The following LRRC49 variants were observed in gnomAD, a reference collection of about 807,000 sequenced individuals.
LRRC49 encodes the protein leucine-rich repeat-containing protein 49.
LRRC49 carries 50 observed loss-of-function variants against 83.3 expected under a neutral mutation model. The observed-to-expected ratio is 0.60, with a 90% confidence interval of 0.48 to 0.76. The LOEUF (loss-of-function observed/expected upper bound fraction) is 0.76. Among genes scored for constraint, LRRC49 ranks in the 30% least tolerant of loss-of-function variants. The pLI is 0.00. For missense variants in LRRC49, 704 were observed against 809.1 expected, an observed-to-expected ratio of 0.87 and a Z score of 1.58; for synonymous variants, 286 against 283.3, an observed-to-expected ratio of 1.01 and a Z score of -0.10.
chr15:71,006,548 A>G (rs1220144304), intron 11 of LRRC49, among the ~76,000 whole-genome samples: 1 of 152,076 alleles, frequency 6.6e-6, no homozygotes, highest in Non-Finnish European at 1.5e-5. Context: ...TATGGTTCAA[A>G]CATCCTTCTT....
At chr15:70,913,630 A>G (rs1416049192) in intron 6 of LRRC49, among the ~76,000 whole-genome samples, 1 of 152,222 alleles carries the variant, frequency 6.6e-6, no homozygotes, top group Non-Finnish European at 1.5e-5. Flanking sequence ...GAGACTAGAA[A>G]GGTAGGCAAC....
At chr15:71,019,823 A>G (rs1185503266) in intron 14 of LRRC49, among the ~76,000 whole-genome samples, 1 of 152,218 alleles carries the variant, frequency 6.6e-6, no homozygotes, top group African/African-American at 2.4e-5. Flanking sequence ...GAAAAAGCAA[A>G]TATACCTCCT....
upstream of LRRC49, among the ~76,000 whole-genome samples, chr15:70,888,453 T>C (rs993725928): frequency 2.0e-5 from 3 of 152,170 alleles, no homozygotes. Flanking sequence ...CTGAGTCAAA[T>C]GGGTATCAAT....
intron 9 of LRRC49, among the ~76,000 whole-genome samples, chr15:70,978,960 G>A (rs1424283062): frequency 1.3e-5 from 2 of 152,038 alleles, no homozygotes; most frequent in Admixed American, 6.5e-5. Flanking sequence ...GTTTCTAAAA[G>A]AGTTATTCTT....
At chr15:70,909,194 G>A (rs1381599133) in intron 5 of LRRC49, among the ~76,000 whole-genome samples, 1 of 152,126 alleles carries the variant, frequency 6.6e-6, no homozygotes, top group Non-Finnish European at 1.5e-5. Flanking sequence ...AATTTTCAAG[G>A]TGTTAAAAAT....
At chr15:71,032,990 T>C (rs2039405528) in intron 14 of LRRC49, among the ~76,000 whole-genome samples, 1 of 152,106 alleles carries the variant, frequency 6.6e-6, no homozygotes, top group Non-Finnish European at 1.5e-5. Flanking sequence ...CTATTCAACA[T>C]AGTATTGGAA....
chr15:71,005,915 A>G (rs966656158), intron 11 of LRRC49, among the ~76,000 whole-genome samples: 6 of 152,230 alleles, frequency 3.9e-5, no homozygotes, highest in Non-Finnish European at 5.9e-5. Flanking sequence ...TCACTTTTTA[A>G]TGGAGCTCAG....
intron 14 of LRRC49, among the ~76,000 whole-genome samples, chr15:71,020,299 G>A (rs1049642668): frequency 2.6e-5 from 4 of 152,286 alleles, no homozygotes; most frequent in Non-Finnish European, 5.9e-5. Flanking sequence ...AGAAGATAGA[G>A]TATATGAGAA....
At chr15:71,018,373 T>G (rs913447991) in intron 14 of LRRC49, among the ~76,000 whole-genome samples, 1 of 152,190 alleles carries the variant, frequency 6.6e-6, no homozygotes, top group Non-Finnish European at 1.5e-5. Flanking sequence ...TAGGAATATA[T>G]TGAACTTCTA....
chr15:70,939,270 A>G (rs2035715747), intron 8 of LRRC49, among the ~76,000 whole-genome samples: 1 of 152,206 alleles, frequency 6.6e-6, no homozygotes, highest in African/African-American at 2.4e-5. Flanking sequence ...CCTCTTCAGC[A>G]TCTAGCATGT....
intron 7 of LRRC49, among the ~76,000 whole-genome samples, chr15:70,930,552 G>A (rs1160490989): frequency 1.3e-5 from 2 of 152,326 alleles, no homozygotes; most frequent in Admixed American, 1.3e-4. Context: ...TAACGAGAGA[G>A]TCAGCATGTG....
chr15:70,966,486 G>C (rs529308903), intron 9 of LRRC49, among the ~76,000 whole-genome samples: 1 of 152,000 alleles, frequency 6.6e-6, no homozygotes, highest in Non-Finnish European at 1.5e-5. Context: ...AATCAGTATC[G>C]AACAGGAAAT....
At chr15:70,908,373 G>T (rs1432455098) in intron 5 of LRRC49, among the ~76,000 whole-genome samples, 3 of 152,198 alleles carry the variant, frequency 2.0e-5, no homozygotes, top group African/African-American at 7.2e-5. Flanking sequence ...TGGAGACTAG[G>T]ATTGTCAAGG....
intron 9 of LRRC49, among the ~76,000 whole-genome samples, chr15:70,978,989 T>C (rs985525585): frequency 2.6e-5 from 4 of 152,156 alleles, no homozygotes; most frequent in Non-Finnish European, 5.9e-5. Context: ...CTAAGTTACT[T>C]GTTATGGTTT....
At chr15:70,866,762 A>G (rs1177317475) in intron 1 of LRRC49, among the ~76,000 whole-genome samples, 2 of 152,124 alleles carry the variant, frequency 1.3e-5, no homozygotes, top group Non-Finnish European at 2.9e-5. Context: ...GAAATCAATC[A>G]CACCTTAAGA....
chr15:70,965,281 C>T (rs963384703), intron 9 of LRRC49, among the ~76,000 whole-genome samples: 10 of 151,952 alleles, frequency 6.6e-5, no homozygotes, highest in East Asian at 1.9e-4. Context: ...TCTTGTCTAC[C>T]CAAACAATAT....
chr15:70,898,731 G>A (rs932804771), intron 3 of LRRC49, among the ~76,000 whole-genome samples: 5 of 152,004 alleles, frequency 3.3e-5, no homozygotes, highest in Admixed American at 6.6e-5. Flanking sequence ...TGCAGTGAGC[G>A]GTAATCATGC....
At chr15:70,910,704 G>A (rs892062265) in intron 5 of LRRC49, among the ~76,000 whole-genome samples, 2 of 152,080 alleles carry the variant, frequency 1.3e-5, no homozygotes, top group African/African-American at 4.8e-5. Context: ...ACCCTTGTGC[G>A]TACAACTTAT....
At chr15:71,010,508 TAAAATAAGAGAAAGTG>T (rs2038615779) in intron 13 of LRRC49, among the ~76,000 whole-genome samples, 1 of 151,268 alleles carries the variant, frequency 6.6e-6, no homozygotes, top group Non-Finnish European at 1.5e-5. Flanking sequence ...GGAAGAAAGA[TAAAATAAGAGAAAGTG>T]AAAATAAGAG....
Sources: gnomAD v4.1 joint callset for allele counts (sites outside exome capture counted in the v4.1 genomes callset) on GRCh38, gnomAD v4.1.1 for gene constraint, MANE v1.5 for transcripts, NCBI Gene and HGNC (gene_info 2026-07-23, HGNC 2026-07-21) for gene names.